Variants in RYR3 observed in about 807,000 individuals in gnomAD.
RYR3 encodes the protein ryanodine receptor 3.
RYR3 carries 207 observed loss-of-function variants against 584.3 expected under a neutral mutation model. The observed-to-expected ratio is 0.35, with a 90% CI of 0.32 to 0.40. The LOEUF is 0.40. RYR3 is among the 10% of genes least tolerant of loss of function. The probability of loss-of-function intolerance (pLI) is 1.00; values close to 1 mark genes in which losing one functional copy is unlikely to be tolerated. For missense variants in RYR3, 5,616 were observed against 6,089.2 expected (o/e 0.92, Z 2.59); for synonymous variants, 2,416 against 2,248.5 (o/e 1.07, Z -2.11).
At chr15:33,572,704 A>G (rs9806613) in intron 12 of RYR3, among the ~76,000 whole-genome samples, 121,713 of 149,112 alleles carry the variant, frequency 0.82, 50,125 homozygotes, top group Middle Eastern at 0.94. Context: ...GCTGGGCACA[A>G]TGGCTCACGC....
At chr15:33,587,200 A>G (rs2058897118) in intron 16 of RYR3, among the ~76,000 whole-genome samples, 2 of 152,240 alleles carry the variant, frequency 1.3e-5, no homozygotes, top group South Asian at 4.1e-4. Context: ...TTCCAAATGC[A>G]GCAAATCAAA....
chr15:33,564,425 C>T (rs2057585683), intron 11 of RYR3, among the ~76,000 whole-genome samples: 1 of 152,160 alleles, frequency 6.6e-6, no homozygotes, highest in Non-Finnish European at 1.5e-5. Context: ...CTGGAAAATA[C>T]AGTAGGCTTT....
At chr15:33,796,198 G>A (rs187574178) in intron 67 of RYR3, among the ~76,000 whole-genome samples, 102 of 152,092 alleles carry the variant, frequency 6.7e-4, no homozygotes, top group African/African-American at 1.6e-3. Flanking sequence ...GCAGTGGCGC[G>A]ATCTCTGCTC....
chr15:33,670,603 A>C (rs768136396), intron 38 of RYR3, 47 bp downstream of exon 38: 23 of 1,510,940 alleles, frequency 1.5e-5, no homozygotes, highest in Non-Finnish European at 1.9e-5. Context: ...CTAAGACTTA[A>C]TTAATGTAAC....
At chr15:33,514,075 C>T (rs1306180225) in intron 3 of RYR3, among the ~76,000 whole-genome samples, 1 of 152,140 alleles carries the variant, frequency 6.6e-6, no homozygotes, top group African/African-American at 2.4e-5. Flanking sequence ...AAAAAATGTT[C>T]TTACTGAAAC....
At chr15:33,489,533 T>A (rs1449737404) in intron 2 of RYR3, among the ~76,000 whole-genome samples, 3 of 152,256 alleles carry the variant, frequency 2.0e-5, no homozygotes, top group African/African-American at 7.2e-5. Context: ...ACAAAAGACG[T>A]AACATCGCTC....
Position 33,808,899 on chromosome 15 carries a change from C to A in RYR3, c.10026+1330C>A, listed in dbSNP as rs550910661. Among the ~76,000 whole-genome samples, 8 of 152,268 alleles carry A rather than the reference C, an allele frequency of 5.3e-5. No homozygotes were observed. The South Asian group carries it at 1.5e-3, about 28-fold the overall frequency. ...GTTTTGGAGCACTGGACGCAAGATA[C>A]CCCTGCAACAATAGAATTTTCTGGC... On this transcript the variant is annotated intron_variant, in intron 70 of 103. Transcript: ENST00000634891.
rs774393965 is a variant in RYR3, at chr15:33,662,238, G to T, written c.4708G>T (p.Ala1570Ser). ...HTLRLYSAVC[A>S]LGNSRVAYAL... ...GCTGAGGCTCTACAGCGCGGTGTGC[G>T]CCCTGGGAAACAGCCGCGTGGCCTA... is the stretch of plus-strand genomic sequence containing the variant. The change falls in exon 35 of 104, where the codon GCC (alanine) becomes TCC (serine). Residue 1570 changes from alanine to serine, a missense_variant. Coordinates refer to ENST00000634891, the MANE Select transcript of RYR3 (RefSeq NM_001036.6). 1.9e-6 allele frequency: 3 copies of T among 1,609,102 alleles called. No individual in the cohort carries two copies. Among genetic ancestry groups the T allele is most frequent in the African/African-American group, 1.3e-5 (1 of 74,972 alleles).
intron 14 of RYR3, among the ~76,000 whole-genome samples, chr15:33,583,791 C>G (rs1225916766): frequency 1.3e-5 from 2 of 152,120 alleles, no homozygotes; most frequent in African/African-American, 4.8e-5. Flanking sequence ...GTAGCTCGCT[C>G]CTGTAATCCC....
chr15:33,376,881 C>T (rs2040789579), intron 1 of RYR3, among the ~76,000 whole-genome samples: 2 of 152,156 alleles, frequency 1.3e-5, no homozygotes, highest in Admixed American at 1.3e-4. Context: ...GAAAATTTTT[C>T]CTATCTTTAT....
intron 1 of RYR3, among the ~76,000 whole-genome samples, chr15:33,461,621 T>C (rs1418280894): frequency 6.6e-6 from 1 of 151,966 alleles, no homozygotes; most frequent in African/African-American, 2.4e-5. Flanking sequence ...AACGTTCTGG[T>C]GAGAGGGGAA....
Position 33,543,647 on chromosome 15 carries a change from A to G in RYR3, c.672A>G (p.Val224=). ...GATACCTACTTGGTGGGCATGTAGT[A>G]CGTCTTTTCCATGGTCATGATGAAT... The part of the protein sequence containing the change: ...EEGYLLGGHV[V]RLFHGHDECL... The change falls in exon 8 of 104, where the codon GTA becomes GTG. Residue 224 remains valine (V), a synonymous_variant. Coordinates refer to ENST00000634891, the MANE Select transcript of RYR3 (RefSeq NM_001036.6). 5 of 1,611,634 alleles carry G rather than the reference A, an allele frequency of 3.1e-6. No individual in the cohort carries two copies. Among genetic ancestry groups the G allele is most frequent in the Non-Finnish European group, 4.2e-6 (5 of 1,177,812 alleles).
At chr15:33,477,876 A>T (rs1596307992) in intron 2 of RYR3, among the ~76,000 whole-genome samples, 2 of 58,498 alleles carry the variant, frequency 3.4e-5, no homozygotes, top group Admixed American at 3.9e-4. Context: ...TTCTGTCTCA[A>T]GAAAAAAAAA....
chr15:33,459,811 C>T (rs1243242458), intron 1 of RYR3, among the ~76,000 whole-genome samples: 1 of 152,080 alleles, frequency 6.6e-6, no homozygotes, highest in Non-Finnish European at 1.5e-5. Flanking sequence ...TTAAACAGTT[C>T]TAGGGAGGGG....
At chr15:33,434,238 A>G (rs954697785) in intron 1 of RYR3, among the ~76,000 whole-genome samples, 4 of 152,026 alleles carry the variant, frequency 2.6e-5, no homozygotes, top group Non-Finnish European at 4.4e-5. Context: ...AATATTGTCT[A>G]TTTGCCCACA....
intron 1 of RYR3, among the ~76,000 whole-genome samples, chr15:33,323,720 C>T (rs1264070289): frequency 6.6e-6 from 1 of 152,116 alleles, no homozygotes; most frequent in Non-Finnish European, 1.5e-5. Context: ...GGTTGCAGTC[C>T]AAGTCATGCT....
intron 15 of RYR3, among the ~76,000 whole-genome samples, chr15:33,585,189 C>T (rs1162470510): frequency 6.6e-6 from 1 of 152,154 alleles, no homozygotes; most frequent in Non-Finnish European, 1.5e-5. Context: ...GAGAGGTTCC[C>T]CCAAGGATCA....
intron 69 of RYR3, among the ~76,000 whole-genome samples, chr15:33,806,212 C>A (rs2076200365): frequency 6.6e-6 from 1 of 152,124 alleles, no homozygotes; most frequent in African/African-American, 2.4e-5. Context: ...CTCAAAGTCA[C>A]TCACCCCACA....
At chr15:33,769,241 A>C (rs1247138480) in intron 62 of RYR3, 69 bp downstream of exon 62, 2 of 1,141,338 alleles carry the variant, frequency 1.8e-6, no homozygotes, top group African/African-American at 3.0e-5. Flanking sequence ...CTCACTAATT[A>C]TACTGAAGAG....
Sources: gnomAD v4.1 joint callset for allele counts (sites outside exome capture counted in the v4.1 genomes callset) on GRCh38, gnomAD v4.1.1 for gene constraint, MANE v1.5 for transcripts, NCBI Gene and HGNC (gene_info 2026-07-23, HGNC 2026-07-21) for gene names.